TIAM2: variants seen among roughly 807,000 people sequenced by gnomAD.
TIAM2 encodes the protein TIAM Rac1 associated GEF 2.
In TIAM2, 80 loss-of-function variants were observed where a neutral mutation model predicts 152.9. The ratio of observed to expected loss-of-function variants is 0.52; its 90% CI spans 0.44 to 0.63. TIAM2 has a LOEUF of 0.63. TIAM2 is among the 30% of genes least tolerant of loss of function. The pLI is 0.00. For synonymous variants in TIAM2, 804 were observed against 838.0 expected, an observed-to-expected ratio of 0.96 and a Z score of 0.70; for missense variants, 1,965 against 2,120.1, an observed-to-expected ratio of 0.93 and a Z score of 1.44.
intron 14 of TIAM2, among the ~76,000 whole-genome samples, chr6:155,203,569 T>A (rs945534114): frequency 6.6e-6 from 1 of 152,238 alleles, no homozygotes; most frequent in Non-Finnish European, 1.5e-5. Flanking sequence ...ATTATGTAGT[T>A]GAAAACTTAA....
rs1020597009 is a variant in TIAM2, at chr6:155,019,610, G to A, written c.-209+24118G>A. On this transcript the variant is annotated intron_variant, in intron 1 of 26. Transcript: ENST00000682666. ...CTTTTCTCCCCAAATACGGCTTTTT[G>A]TTGTAGAATGGAAGGAACACTGGAC... 1.1e-4 allele frequency among the ~76,000 whole-genome samples: 17 copies of A among 152,332 alleles called. No homozygotes were observed. The South Asian group carries it at 1.9e-3, about 17-fold the overall frequency.
chr6:155,152,478 T>C lies in TIAM2; in HGVS notation c.2028+4144T>C, dbSNP rs534589658. On this transcript the variant is annotated intron_variant, in intron 7 of 26. Coordinates refer to ENST00000682666, the MANE Select transcript of TIAM2 (RefSeq NM_012454.4). Reference sequence around the variant, plus strand: ...GCTCTCTGTCTGTGTGGAATGTAGGTTGGGAGTCCATGTGGAGGTGATGGG... The same window carrying C: ...GCTCTCTGTCTGTGTGGAATGTAGGCTGGGAGTCCATGTGGAGGTGATGGG... Among the ~76,000 whole-genome samples, 469 of 152,200 alleles carry C rather than the reference T, an allele frequency of 3.1e-3. 2 individuals carry two copies. The highest frequency in any genetic ancestry group is 0.011 in the African/African-American group (445 of 41,512).
At chr6:155,014,793 G>A (rs147240687) in intron 1 of TIAM2, among the ~76,000 whole-genome samples, 1 of 152,306 alleles carries the variant, frequency 6.6e-6, no homozygotes, top group East Asian at 1.9e-4. Context: ...GAGCAGCAGA[G>A]GGAATTGCAG....
chr6:155,079,333 A>G (rs1055596196), intron 1 of TIAM2, among the ~76,000 whole-genome samples: 25 of 151,924 alleles, frequency 1.6e-4, no homozygotes, highest in Non-Finnish European at 3.7e-4. Flanking sequence ...AAGTGCCGGG[A>G]TTACAGACGT....
chr6:155,251,024 T>A lies in TIAM2; in HGVS notation c.4060+3T>A, dbSNP rs1783623683. The stretch of plus-strand genomic sequence containing the variant: ...GGACCTTGAGCTCACAGTATTTGGT[T>A]AGTATTCCATTCAGAAGAATGCAGA... On this transcript the variant is annotated splice_donor_region_variant and intron_variant, in intron 22 of 26. Coordinates refer to ENST00000682666, the MANE Select transcript of TIAM2 (RefSeq NM_012454.4). The A allele has an allele frequency of 6.2e-7, 1 of 1,612,680 alleles. No individual in the cohort carries two copies. Among genetic ancestry groups the A allele is most frequent in the Non-Finnish European group, 8.5e-7 (1 of 1,178,850 alleles).
intron 2 of TIAM2, among the ~76,000 whole-genome samples, chr6:155,122,528 T>TGGGGATTGGGAGGGAATGGAGAA (rs1562323346): frequency 6.6e-6 from 1 of 151,982 alleles, no homozygotes. Context: ...GGTAGGATTT[T>TGGGGATTGGGAGGGAATGGAGAA]TTTTTTTTGT....
At chr6:155,153,786 T>A (rs1229547875) in intron 7 of TIAM2, among the ~76,000 whole-genome samples, 2 of 152,074 alleles carry the variant, frequency 1.3e-5, no homozygotes, top group African/African-American at 2.4e-5. Flanking sequence ...TACGCCCAGC[T>A]AATTTTTGTA....
chr6:155,035,342 T>C (rs553267527), intron 1 of TIAM2, among the ~76,000 whole-genome samples: 3 of 152,076 alleles, frequency 2.0e-5, no homozygotes, highest in African/African-American at 7.2e-5. Context: ...CTGCCTCAGC[T>C]TCCCGAGTAG....
chr6:155,208,577 A>G (rs1781645242), intron 14 of TIAM2, among the ~76,000 whole-genome samples: 1 of 152,140 alleles, frequency 6.6e-6, no homozygotes, highest in African/African-American at 2.4e-5. Flanking sequence ...TCAGCATTGC[A>G]GAAGCTAAGC....
intron 14 of TIAM2, among the ~76,000 whole-genome samples, chr6:155,184,098 C>T (rs939626240): frequency 2.6e-5 from 4 of 152,076 alleles, no homozygotes; most frequent in Non-Finnish European, 5.9e-5. Flanking sequence ...AAGAGATTCT[C>T]GTGCCTCAGC....
At chr6:155,189,368 A>G (rs1433327015) in intron 14 of TIAM2, among the ~76,000 whole-genome samples, 2 of 151,820 alleles carry the variant, frequency 1.3e-5, no homozygotes, top group African/African-American at 4.8e-5. Context: ...TTTTTAAATC[A>G]GAAAACAATC....
chr6:155,052,773 C>CAAA (rs10545743), intron 1 of TIAM2, among the ~76,000 whole-genome samples: 3 of 117,036 alleles, frequency 2.6e-5, no homozygotes, highest in African/African-American at 9.8e-5. Context: ...AACTCCATCT[C>CAAA]AAAAAAAAAA....
chr6:155,244,256 C>T (rs1320247175), intron 17 of TIAM2, among the ~76,000 whole-genome samples, 177 bp downstream of exon 17: 1 of 152,226 alleles, frequency 6.6e-6, no homozygotes, highest in Non-Finnish European at 1.5e-5. Context: ...GCCTCGGCTG[C>T]ATGACCCAGT....
At chr6:155,095,481 T>A (rs1778399426) in intron 2 of TIAM2, among the ~76,000 whole-genome samples, 1 of 152,130 alleles carries the variant, frequency 6.6e-6, no homozygotes, top group African/African-American at 2.4e-5. Context: ...GACTGATTAG[T>A]GGAATTTTTA....
chr6:155,257,202 A>AC lies in TIAM2; in HGVS notation c.*81_*82insC. On this transcript the variant is annotated 3_prime_UTR_variant, in exon 27 of 27. Transcript: ENST00000682666. ...AAAGTGGAAATTGCAAAAAAAAAAA[A>AC]AAAAAAAAACTGTTCATTCCTGGGT... The AC allele has an allele frequency of 1.4e-6, 2 of 1,428,016 alleles. No individual in the cohort carries two copies. Among genetic ancestry groups the AC allele is most frequent in the Admixed American group, 2.2e-5 (1 of 45,706 alleles). The allele number at this position is 1,428,016 out of a possible 1,614,324, so 88.5% of individuals were successfully genotyped here.
chr6:155,139,805 T>C (rs1474923592), intron 5 of TIAM2, among the ~76,000 whole-genome samples: 1 of 152,120 alleles, frequency 6.6e-6, no homozygotes, highest in Non-Finnish European at 1.5e-5. Context: ...CCTGGCATGA[T>C]GGCAGGTTCC....
chr6:155,024,962 T>G (rs1251481874), intron 1 of TIAM2, among the ~76,000 whole-genome samples: 1 of 152,230 alleles, frequency 6.6e-6, no homozygotes, highest in Non-Finnish European at 1.5e-5. Context: ...AATGTCATTT[T>G]AGTTATTTAG....
intron 14 of TIAM2, among the ~76,000 whole-genome samples, chr6:155,195,938 G>A (rs1781334688): frequency 6.6e-6 from 1 of 152,256 alleles, no homozygotes; most frequent in Non-Finnish European, 1.5e-5. Flanking sequence ...GCCAGATCAG[G>A]CTGACCTCAA....
chr6:155,231,117 T>C (rs972317484), intron 15 of TIAM2, among the ~76,000 whole-genome samples: 17 of 152,266 alleles, frequency 1.1e-4, no homozygotes, highest in Non-Finnish European at 1.6e-4. Context: ...GCTGGGATTA[T>C]AGGCGTGAGC....
Sources: gnomAD v4.1 joint callset for allele counts (sites outside exome capture counted in the v4.1 genomes callset) on GRCh38, gnomAD v4.1.1 for gene constraint, MANE v1.5 for transcripts, NCBI Gene and HGNC (gene_info 2026-07-23, HGNC 2026-07-21) for gene names.